Variants in ZP3 observed in about 807,000 individuals in gnomAD.
ZP3 encodes the protein zona pellucida sperm-binding protein 3.
Under a neutral mutation model 35.6 loss-of-function variants are expected in ZP3, and 21 were observed. That is an observed-to-expected ratio of 0.59 (90% CI 0.42 to 0.85). ZP3 has a LOEUF of 0.85. Among genes scored for constraint, ZP3 ranks in the 40% least tolerant of loss-of-function variants. The pLI is 0.00. For missense variants in ZP3, 437 were observed against 536.5 expected (o/e 0.81, Z 1.83); for synonymous variants, 207 against 214.5 (o/e 0.96, Z 0.31).
intron 1 of ZP3, chr7:76,404,168 C>T: frequency 7.8e-7 from 1 of 1,278,648 alleles, no homozygotes; most frequent in Non-Finnish European, 1.0e-6. Context: ...GCTCTTTTGT[C>T]AACTCTGGGC....
intron 2 of ZP3, among the ~76,000 whole-genome samples, chr7:76,430,163 T>A (rs767806606): frequency 6.6e-6 from 1 of 151,946 alleles, no homozygotes; most frequent in Non-Finnish European, 1.5e-5. Context: ...TGAGCCGAGA[T>A]TGCACTGCTG....
At chr7:76,398,670 A>G (rs1321841696) in intron 1 of ZP3, 13 of 1,572,746 alleles carry the variant, frequency 8.3e-6, no homozygotes, top group Admixed American at 1.7e-5. Flanking sequence ...GTAGGGTGTG[A>G]GAGACTCCTC....
At chr7:76,397,736 T>G in exon 1 of ZP3, 3 of 1,613,304 alleles carry the variant, frequency 1.9e-6, no homozygotes, top group Non-Finnish European at 2.5e-6. Flanking sequence ...CAGCCCCCAG[T>G]CGTCGTCACA....
chr7:76,438,922 A>G (rs1175761528), intron 5 of ZP3, among the ~76,000 whole-genome samples: 1 of 118,350 alleles, frequency 8.4e-6, no homozygotes, highest in East Asian at 2.3e-4. Flanking sequence ...TCACAAGGTC[A>G]GGAGTTCAAG....
intron 1 of ZP3, among the ~76,000 whole-genome samples, chr7:76,408,245 G>A (rs1805106660): frequency 1.3e-5 from 2 of 152,126 alleles, no homozygotes; most frequent in South Asian, 4.1e-4. Flanking sequence ...TTGGGGAGAA[G>A]ATGAAAGCCT....
chr7:76,398,803 A>G (rs1488101428), intron 1 of ZP3: 1 of 1,611,434 alleles, frequency 6.2e-7, no homozygotes, highest in Non-Finnish European at 8.5e-7. Context: ...GAATTCTGGA[A>G]AGGAAGTGAA....
At chr7:76,440,821 G>A (rs1467283471) in intron 7 of ZP3, among the ~76,000 whole-genome samples, 2 of 152,072 alleles carry the variant, frequency 1.3e-5, no homozygotes, top group East Asian at 3.9e-4. Flanking sequence ...GAGATCTGCT[G>A]TCATCCTAGG....
Position 76,429,726 on chromosome 7 carries a change from A to G in ZP3, c.431+93A>G, listed in dbSNP as rs545249081. ...CTGGCTATGGGCTACAGCTTGCAGCATGGCTATTAGAACTACCTACCGAAG... is the reference window on the plus strand; with the variant it reads ...CTGGCTATGGGCTACAGCTTGCAGCGTGGCTATTAGAACTACCTACCGAAG... On this transcript the variant is annotated intron_variant, in intron 2 of 7. Transcript: ENST00000394857. The G allele has an allele frequency of 2.7e-3, 2,912 of 1,068,906 alleles. 9 individuals are homozygous for G. Among genetic ancestry groups the G allele is most frequent in the Non-Finnish European group, 3.7e-3 (2,563 of 699,484 alleles). 66.2% of individuals were successfully genotyped at this position (1,068,906 alleles called of 1,614,324 possible). A position where few individuals can be genotyped will look rare whatever the true frequency, so the allele number is the denominator to read the frequency against.
chr7:76,420,818 G>A (rs1805486595), upstream of ZP3, among the ~76,000 whole-genome samples: 1 of 151,848 alleles, frequency 6.6e-6, no homozygotes, highest in African/African-American at 2.4e-5. Flanking sequence ...CCAATATAAA[G>A]ATTGATACAT....
At chr7:76,418,550 CAAAAAAAAAA>C (rs1203476650) in intron 1 of ZP3, among the ~76,000 whole-genome samples, 4 of 30,040 alleles carry the variant, frequency 1.3e-4, no homozygotes, top group African/African-American at 5.9e-4. Flanking sequence ...GATTTCATCT[CAAAAAAAAAA>C]AAAAAAAAAA....
At chr7:76,412,212 A>G (rs1400052744) in intron 1 of ZP3, among the ~76,000 whole-genome samples, 1 of 151,870 alleles carries the variant, frequency 6.6e-6, no homozygotes, top group Non-Finnish European at 1.5e-5. Flanking sequence ...AGAAAAGAAA[A>G]AGATAAAAAA....
intron 1 of ZP3, among the ~76,000 whole-genome samples, chr7:76,426,367 C>T (rs1484901330): frequency 1.3e-5 from 2 of 152,200 alleles, no homozygotes; most frequent in Admixed American, 6.5e-5. Flanking sequence ...CCTGTGGTCC[C>T]ATGGAGGGCC....
chr7:76,435,930 T>C (rs1406986653), intron 5 of ZP3, among the ~76,000 whole-genome samples: 2 of 152,028 alleles, frequency 1.3e-5, no homozygotes, highest in African/African-American at 2.4e-5. Flanking sequence ...TTCATCATTT[T>C]GGCCAGGCTG....
intron 5 of ZP3, among the ~76,000 whole-genome samples, chr7:76,436,081 G>C (rs1183711603): frequency 2.4e-5 from 2 of 84,214 alleles, no homozygotes; most frequent in African/African-American, 4.2e-5. Context: ...TTTTTGAGAG[G>C]GTCTCTGTCA....
chr7:76,398,739 C>T (rs770424451), intron 1 of ZP3: 28 of 1,613,318 alleles, frequency 1.7e-5, no homozygotes, highest in Middle Eastern at 1.7e-4. Flanking sequence ...TCGGCAGTGT[C>T]GTAGGAGGTG....
At chr7:76,432,805 C>T in intron 2 of ZP3, 122 bp from the exon 3 acceptor site, 2 of 751,508 alleles carry the variant, frequency 2.7e-6, no homozygotes, top group Non-Finnish European at 4.3e-6. Flanking sequence ...CTCGCACCAG[C>T]TACCTGGCTG....
chr7:76,428,392 G>A (rs181861620), intron 1 of ZP3, among the ~76,000 whole-genome samples: 1 of 152,258 alleles, frequency 6.6e-6, no homozygotes, highest in Admixed American at 6.6e-5. Context: ...TAATCACCTG[G>A]AAAGGTTGTA....
intron 1 of ZP3, among the ~76,000 whole-genome samples, chr7:76,410,354 CT>C (rs5885000): frequency 0.5 from 70,427 of 142,236 alleles, 17,457 homozygotes; most frequent in African/African-American, 0.59. Flanking sequence ...TTGTGTAGTT[CT>C]TTTTTTTTTT....
chr7:76,401,648 C>G (rs556969823), intron 1 of ZP3, among the ~76,000 whole-genome samples: 1 of 152,274 alleles, frequency 6.6e-6, no homozygotes, highest in South Asian at 2.1e-4. Context: ...AACTCCTGAC[C>G]TCAGGTAATC....
Sources: gnomAD v4.1 joint callset for allele counts (sites outside exome capture counted in the v4.1 genomes callset) on GRCh38, gnomAD v4.1.1 for gene constraint, MANE v1.5 for transcripts, NCBI Gene and HGNC (gene_info 2026-07-23, HGNC 2026-07-21) for gene names.